CCSER1: variants seen among roughly 807,000 people sequenced by gnomAD.
CCSER1 encodes coiled-coil serine rich protein 1.
A neutral mutation model predicts 82.0 loss-of-function variants in CCSER1; 41 were observed. The observed-to-expected ratio is 0.50, with a 90% confidence interval of 0.39 to 0.65. CCSER1 has a LOEUF of 0.65. CCSER1 is among the 30% of genes least tolerant of loss of function. The probability of loss-of-function intolerance (pLI) is 0.00; values close to 1 mark genes in which losing one functional copy is unlikely to be tolerated. For synonymous variants in CCSER1, 414 were observed against 383.9 expected, an observed-to-expected ratio of 1.08 and a Z score of -0.92; for missense variants, 1,119 against 1,064.2, an observed-to-expected ratio of 1.05 and a Z score of -0.72.
chr4:91,066,452 T>C (rs2148753148), intron 9 of CCSER1, among the ~76,000 whole-genome samples: 1 of 152,242 alleles, frequency 6.6e-6, no homozygotes, highest in South Asian at 2.1e-4. Flanking sequence ...ATTAAAAAAT[T>C]TGAAATGGAA....
intron 9 of CCSER1, among the ~76,000 whole-genome samples, chr4:90,944,342 G>A (rs1269560759): frequency 2.6e-5 from 4 of 151,884 alleles, no homozygotes; most frequent in East Asian, 1.9e-4. Context: ...ACAAAAGACC[G>A]CATTGTCAAA....
intron 5 of CCSER1, among the ~76,000 whole-genome samples, chr4:90,508,933 A>G (rs1771095384): frequency 6.6e-6 from 1 of 152,068 alleles, no homozygotes; most frequent in Non-Finnish European, 1.5e-5. Context: ...CAACCTTACT[A>G]AAATAGGATT....
chr4:91,295,885 A>G (rs542552258), intron 10 of CCSER1, among the ~76,000 whole-genome samples: 5 of 151,928 alleles, frequency 3.3e-5, no homozygotes, highest in Admixed American at 6.6e-5. Context: ...TATATTTTGT[A>G]TTAGGATATT....
At chr4:91,164,479 C>G (rs543900585) in intron 10 of CCSER1, among the ~76,000 whole-genome samples, 80 of 152,160 alleles carry the variant, frequency 5.3e-4, no homozygotes, top group Non-Finnish European at 8.4e-4. Flanking sequence ...GTTGGCCTAC[C>G]TTGCTAGGTT....
chr4:91,459,416 A>G (rs1756377375), intron 10 of CCSER1, among the ~76,000 whole-genome samples: 1 of 152,108 alleles, frequency 6.6e-6, no homozygotes, highest in South Asian at 2.1e-4. Context: ...AAATTGTTTG[A>G]TTCCTAAGCC....
At chr4:91,487,348 C>T (rs1327479985) in intron 10 of CCSER1, among the ~76,000 whole-genome samples, 1 of 152,094 alleles carries the variant, frequency 6.6e-6, no homozygotes, top group African/African-American at 2.4e-5. Flanking sequence ...GCTTTGAACT[C>T]AGGGGAAACT....
chr4:91,291,640 A>G (rs930463280), intron 10 of CCSER1, among the ~76,000 whole-genome samples: 2 of 151,956 alleles, frequency 1.3e-5, no homozygotes, highest in Non-Finnish European at 2.9e-5. Context: ...CTCGCTTGCT[A>G]TCACGAGAAC....
chr4:91,190,247 T>C (rs998238316), intron 10 of CCSER1, among the ~76,000 whole-genome samples: 23 of 152,206 alleles, frequency 1.5e-4, no homozygotes, highest in Admixed American at 1.2e-3. Context: ...ACCAGATACA[T>C]GTTATTTGGT....
intron 3 of CCSER1, among the ~76,000 whole-genome samples, chr4:90,356,992 A>G (rs1362126476): frequency 6.6e-6 from 1 of 151,936 alleles, no homozygotes; most frequent in Admixed American, 6.6e-5. Flanking sequence ...ATGTATTTGG[A>G]ATATTTAAGT....
chr4:91,093,147 A>G (rs564177622), intron 10 of CCSER1, among the ~76,000 whole-genome samples: 1 of 152,318 alleles, frequency 6.6e-6, no homozygotes, highest in Non-Finnish European at 1.5e-5. Flanking sequence ...TTCTGGGCTG[A>G]AGTGCCCTGA....
chr4:91,327,968 T>C (rs1746685052), intron 10 of CCSER1, among the ~76,000 whole-genome samples: 1 of 152,198 alleles, frequency 6.6e-6, no homozygotes, highest in South Asian at 2.1e-4. Flanking sequence ...CATCTCCATC[T>C]GAGACCACCT....
chr4:90,946,418 AT>A (rs1262994534), intron 9 of CCSER1, among the ~76,000 whole-genome samples: 1 of 152,064 alleles, frequency 6.6e-6, no homozygotes, highest in East Asian at 1.9e-4. Flanking sequence ...ATCACTCGAG[AT>A]TAGGAGTTCG....
intron 10 of CCSER1, among the ~76,000 whole-genome samples, chr4:91,276,299 T>A (rs922870645): frequency 2.0e-5 from 3 of 150,800 alleles, no homozygotes; most frequent in African/African-American, 7.3e-5. Context: ...TTTCCTTTTT[T>A]TTTTTTTTTT....
intron 8 of CCSER1, among the ~76,000 whole-genome samples, chr4:90,863,949 TTTTTATTTTA>T (rs57672590): frequency 0.087 from 10,221 of 117,484 alleles, 554 homozygotes; most frequent in Admixed American, 0.14. Context: ...ACCTATCACG[TTTTTATTTTA>T]TTTTATTTTA....
intron 10 of CCSER1, among the ~76,000 whole-genome samples, chr4:91,162,211 C>T (rs1350634775): frequency 6.6e-6 from 1 of 152,110 alleles, no homozygotes; most frequent in Non-Finnish European, 1.5e-5. Context: ...GTCTTTGGTT[C>T]TGTTTATGTG....
intron 10 of CCSER1, among the ~76,000 whole-genome samples, chr4:91,463,641 G>C (rs1756653550): frequency 6.6e-6 from 1 of 152,276 alleles, no homozygotes; most frequent in Non-Finnish European, 1.5e-5. Flanking sequence ...AGAATAACCA[G>C]TGTAGAGAAG....
chr4:90,837,966 T>C (rs1321610289), intron 8 of CCSER1, among the ~76,000 whole-genome samples: 1 of 152,118 alleles, frequency 6.6e-6, no homozygotes, highest in Non-Finnish European at 1.5e-5. Flanking sequence ...TATCAAGGAA[T>C]ATAGAAATTG....
Position 91,196,178 on chromosome 4 carries a change from C to CAAA in CCSER1, c.2217+110201_2217+110203dup, listed in dbSNP as rs61336014. ...GTCCGGCCTGGGCCAAACAGCGAGA[C>CAAA]AAAAAAAAAAAAAAAAAAAGACAAA... On this transcript the variant is annotated intron_variant, in intron 10 of 10. Coordinates refer to ENST00000509176, the MANE Select transcript of CCSER1 (RefSeq NM_001145065.2). Among the ~76,000 whole-genome samples the CAAA allele has an allele frequency of 1.5e-3, 92 of 60,810 alleles. 1 individual carries two copies. The highest frequency in any genetic ancestry group is 7.4e-3 in the Middle Eastern group (1 of 136). 39.9% of individuals were successfully genotyped at this position (60,810 alleles called of 152,430 possible).
At chr4:90,179,069 G>T (rs1006961116) in intron 1 of CCSER1, among the ~76,000 whole-genome samples, 1 of 152,108 alleles carries the variant, frequency 6.6e-6, no homozygotes, top group Non-Finnish European at 1.5e-5. Context: ...GGTGATGCTG[G>T]TGTAGGAAGT....
Sources: allele counts gnomAD v4.1 joint callset (sites outside exome capture counted in the v4.1 genomes callset), GRCh38; gene constraint gnomAD v4.1.1; transcripts MANE v1.5; gene names NCBI Gene and HGNC (gene_info 2026-07-23, HGNC 2026-07-21).